ICA1L: variants seen among roughly 807,000 people sequenced by gnomAD.
The protein encoded by ICA1L is islet cell autoantigen 1 like.
Under a neutral mutation model 61.3 loss-of-function variants are expected in ICA1L, and 50 were observed. The ratio of observed to expected loss-of-function variants is 0.82; its 90% confidence interval spans 0.65 to 1.03. The LOEUF (loss-of-function observed/expected upper bound fraction) is 1.03, where lower values mean the gene tolerates loss of function less well. Ranked by LOEUF, ICA1L falls within the 50% of genes least tolerant of loss-of-function variation. ICA1L has a pLI of 0.00. For synonymous variants in ICA1L, 161 were observed against 191.3 expected (o/e 0.84, Z 1.31); for missense variants, 508 against 556.7 (o/e 0.91, Z 0.88).
At chr2:202,793,166 AAAG>A (rs1344988417) in intron 10 of ICA1L, among the ~76,000 whole-genome samples, 1 of 152,190 alleles carries the variant, frequency 6.6e-6, no homozygotes, top group Non-Finnish European at 1.5e-5. Context: ...TTAAAAATAA[AAAG>A]AAATTTTGTA....
At chr2:202,864,805 G>T (rs1261620986) in intron 1 of ICA1L, among the ~76,000 whole-genome samples, 1 of 152,090 alleles carries the variant, frequency 6.6e-6, no homozygotes, top group African/African-American at 2.4e-5. Context: ...GATCACCTGA[G>T]ATCAGGAGTT....
At chr2:202,861,566 T>C (rs1694915285) in intron 1 of ICA1L, among the ~76,000 whole-genome samples, 1 of 151,802 alleles carries the variant, frequency 6.6e-6, no homozygotes, top group South Asian at 2.1e-4. Context: ...GCCCCCAGAA[T>C]AGTAACTGAC....
chr2:202,781,040 A>G (rs942303066), intron 12 of ICA1L, among the ~76,000 whole-genome samples: 27 of 152,198 alleles, frequency 1.8e-4, no homozygotes, highest in African/African-American at 6.5e-4. Context: ...CCTGAAAAGT[A>G]TGTAAATATT....
chr2:202,795,259 G>A (rs568535951), intron 10 of ICA1L, among the ~76,000 whole-genome samples: 1 of 151,970 alleles, frequency 6.6e-6, no homozygotes, highest in Admixed American at 6.6e-5. Context: ...CCAAAGTGCT[G>A]GGATTACAGG....
chr2:202,817,629 A>C (rs1446891072), intron 5 of ICA1L, 86 bp from the exon 6 acceptor site: 3 of 593,638 alleles, frequency 5.1e-6, no homozygotes, highest in Non-Finnish European at 7.6e-6. Context: ...ATACAGGTTC[A>C]TAATAAATAT....
intron 1 of ICA1L, among the ~76,000 whole-genome samples, chr2:202,830,120 G>A (rs1693973648): frequency 6.6e-6 from 1 of 152,204 alleles, no homozygotes; most frequent in Admixed American, 6.5e-5. Flanking sequence ...TATGCTAGGT[G>A]CAGTGGCTCA....
At chr2:202,836,214 TTC>T in intron 1 of ICA1L, among the ~76,000 whole-genome samples, 1 of 152,250 alleles carries the variant, frequency 6.6e-6, no homozygotes, top group African/African-American at 2.4e-5. Flanking sequence ...TGTTGAGTGT[TTC>T]TGTCATGAAA....
intron 3 of ICA1L, chr2:202,821,701 G>A (rs1693706492): frequency 1.1e-5 from 3 of 283,218 alleles, no homozygotes; most frequent in African/African-American, 6.7e-5. Context: ...ACTCCAGATG[G>A]TTTCGACACA....
chr2:202,821,576 AC>A, intron 3 of ICA1L, 95 bp from the exon 4 acceptor site: 1 of 864,978 alleles, frequency 1.2e-6, no homozygotes. Context: ...AACTCTCTAT[AC>A]AAGATTTACT....
At chr2:202,831,396 T>C (rs1235535235) in intron 1 of ICA1L, among the ~76,000 whole-genome samples, 1 of 152,196 alleles carries the variant, frequency 6.6e-6, no homozygotes, top group Admixed American at 6.5e-5. Flanking sequence ...CTGCTTTTGG[T>C]TGCTCTCAAC....
chr2:202,818,577 A>G (rs1693607351), intron 5 of ICA1L, among the ~76,000 whole-genome samples: 1 of 151,988 alleles, frequency 6.6e-6, no homozygotes, highest in Admixed American at 6.6e-5. Context: ...TATGGGAGGG[A>G]CCCAGTGAGA....
At chr2:202,844,744 C>T (rs1346620341) in intron 1 of ICA1L, among the ~76,000 whole-genome samples, 1 of 152,200 alleles carries the variant, frequency 6.6e-6, no homozygotes, top group Admixed American at 6.5e-5. Flanking sequence ...GAGGAAACGT[C>T]AAGAATGAGA....
chr2:202,788,923 G>A lies in ICA1L; in HGVS notation c.1150C>T (p.Pro384Ser). The A allele has an allele frequency of 6.2e-7, 1 of 1,613,942 alleles. No individual in the cohort carries two copies. Among genetic ancestry groups the A allele is most frequent in the Non-Finnish European group, 8.5e-7 (1 of 1,179,818 alleles). ...GCGAGGGGCTCAGACCCCATGGAAG[G>A]CTCCTGGGATGTGAGACTGGCACTG... is the stretch of plus-strand genomic sequence containing the variant. ...SPSASLTSQE[P>S]SMGSEPLAHS... Residue 384 changes from proline (P) to serine (S), a missense_variant, in exon 11 of 13, where the codon CCT becomes TCT. By Grantham distance (74) the Pro-to-Ser change is moderately conservative. Transcript: ENST00000358299.
intron 9 of ICA1L, among the ~76,000 whole-genome samples, chr2:202,807,809 G>A (rs1011321835): frequency 2.0e-5 from 3 of 152,212 alleles, no homozygotes; most frequent in Admixed American, 6.5e-5. Flanking sequence ...ACAAGGTAGA[G>A]TCCCAAGGCC....
intron 1 of ICA1L, chr2:202,870,926 T>A (rs1384021152): frequency 6.6e-6 from 1 of 152,112 alleles, no homozygotes; most frequent in African/African-American, 2.4e-5. Context: ...ACCACTGACA[T>A]CACCTGGGCA....
chr2:202,800,442 A>G (rs1428794125), intron 9 of ICA1L, among the ~76,000 whole-genome samples: 1 of 152,206 alleles, frequency 6.6e-6, no homozygotes, highest in East Asian at 1.9e-4. Flanking sequence ...TTTTGAGCCT[A>G]TATATCAAGA....
intron 1 of ICA1L, chr2:202,860,046 C>A (rs1574386364): frequency 6.6e-6 from 1 of 151,660 alleles, no homozygotes; most frequent in African/African-American, 2.4e-5. Context: ...AAGACCATGG[C>A]AAGAGGATCA....
intron 12 of ICA1L, 129 bp from the exon 13 acceptor site, chr2:202,779,777 T>TATCA (rs888591846): frequency 2.5e-5 from 15 of 600,026 alleles, no homozygotes; most frequent in Admixed American, 1.6e-4. Context: ...GACAATAATC[T>TATCA]ATCAACTATA....
At chr2:202,841,564 G>A in intron 1 of ICA1L, 1 of 707,802 alleles carries the variant, frequency 1.4e-6, no homozygotes. Flanking sequence ...GCAGGCTCTG[G>A]TTGACTGTGA....
Sources: allele counts gnomAD v4.1 joint callset (sites outside exome capture counted in the v4.1 genomes callset), GRCh38; gene constraint gnomAD v4.1.1; transcripts MANE v1.5; gene names NCBI Gene and HGNC (gene_info 2026-07-23, HGNC 2026-07-21).